Variants in DNAH12 observed in about 807,000 individuals in gnomAD.
DNAH12 encodes the protein dynein axonemal heavy chain 12, also known as axonemal beta dynein heavy chain 12.
In DNAH12, 285 loss-of-function variants were observed where a neutral mutation model predicts 371.5. The observed-to-expected ratio is 0.77, with a 90% confidence interval of 0.70 to 0.85. The LOEUF is 0.85. Ranked by LOEUF, DNAH12 falls within the 40% of genes least tolerant of loss-of-function variation. The probability of loss-of-function intolerance (pLI) is 0.00; values close to 1 mark genes in which losing one functional copy is unlikely to be tolerated. For synonymous variants in DNAH12, 1,200 were observed against 1,213.0 expected, an observed-to-expected ratio of 0.99 and a Z score of 0.22; for missense variants, 3,611 against 3,689.4, an observed-to-expected ratio of 0.98 and a Z score of 0.55.
chr3:57,420,537 C>G (rs887488071), intron 36 of DNAH12, among the ~76,000 whole-genome samples: 6 of 152,060 alleles, frequency 3.9e-5, no homozygotes, highest in Admixed American at 3.9e-4. Flanking sequence ...CAGCATTTCC[C>G]TACTGTCACT....
intron 19 of DNAH12, among the ~76,000 whole-genome samples, chr3:57,460,496 T>C (rs534084198): frequency 6.6e-6 from 1 of 152,350 alleles, no homozygotes; most frequent in South Asian, 2.1e-4. Context: ...GATTGTCTCA[T>C]ATCTTCGATT....
chr3:57,337,554 G>A (rs529778206), intron 60 of DNAH12, among the ~76,000 whole-genome samples: 13 of 152,168 alleles, frequency 8.5e-5, no homozygotes, highest in Admixed American at 3.9e-4. Context: ...AGCTACTTGG[G>A]AGGCTGAGGC....
At chr3:57,495,563 G>A (rs1357480322) in intron 11 of DNAH12, among the ~76,000 whole-genome samples, 2 of 135,470 alleles carry the variant, frequency 1.5e-5, no homozygotes, top group South Asian at 2.5e-4. Context: ...TAGCCTGGGC[G>A]ACAAGAGTGA....
intron 32 of DNAH12, 49 bp downstream of exon 32, chr3:57,433,318 A>C (rs2065011845): frequency 1.3e-6 from 2 of 1,518,686 alleles, no homozygotes; most frequent in African/African-American, 1.4e-5. Flanking sequence ...TGAACACATA[A>C]AATTGCTTAA....
At chr3:57,549,413 A>C in the DNAH12 span, among the ~76,000 whole-genome samples, 1 of 150,508 alleles carries the variant, frequency 6.6e-6, no homozygotes, top group Non-Finnish European at 1.5e-5. Context: ...GCTACTTGGG[A>C]GGCTGACGTG....
chr3:57,403,545 G>T lies in DNAH12; in HGVS notation c.6756-44C>A, dbSNP rs574173128. 2.7e-6 allele frequency: 4 copies of T among 1,483,522 alleles called. No homozygotes were observed. In the South Asian group the frequency reaches 5.3e-5, roughly 19 times the overall value. The allele number at this position is 1,483,522 out of a possible 1,614,324, so 91.9% of individuals were successfully genotyped here. ...TTTATTAATGCATTACAATATAAAT[G>T]TAAATGTATAGTTACATGTAACTAT... On this transcript the variant is annotated intron_variant, in intron 42 of 73. Coordinates refer to ENST00000495027, the MANE Select transcript of DNAH12 (RefSeq NM_001366028.2).
At chr3:57,487,310 A>AAG (rs2066954278) in intron 12 of DNAH12, among the ~76,000 whole-genome samples, 1 of 118,338 alleles carries the variant, frequency 8.5e-6, no homozygotes, top group African/African-American at 3.4e-5. Flanking sequence ...GAAGGAAGGG[A>AAG]GAGAGAGAGA....
In DNAH12 at chr3:57,421,716, G is replaced by C. The variant is rs2064587310; in HGVS notation, c.5374-10C>G. 6.4e-7 allele frequency: 1 copy of C among 1,551,352 alleles called. No homozygotes were observed. The highest frequency in any genetic ancestry group is 1.7e-4 in the Middle Eastern group (1 of 5,990). On this transcript the variant is annotated splice_polypyrimidine_tract_variant and intron_variant, in intron 35 of 73. Coordinates refer to ENST00000495027, the MANE Select transcript of DNAH12 (RefSeq NM_001366028.2). ...AGAATATAAAGCAAGCCTGTTGGTG[G>C]AGAAAAAATTTAACTTATAGCAATT...
intron 62 of DNAH12, among the ~76,000 whole-genome samples, chr3:57,328,251 A>G (rs2061998365): frequency 6.6e-6 from 1 of 151,862 alleles, no homozygotes; most frequent in South Asian, 2.1e-4. Context: ...TGGCAGAGAC[A>G]CAACCAAAAA....
intron 49 of DNAH12, 24 bp from the exon 50 acceptor site, chr3:57,382,417 A>G (rs2063411867): frequency 6.6e-6 from 1 of 152,222 alleles, no homozygotes; most frequent in African/African-American, 2.4e-5. Context: ...ACAAAAAACA[A>G]ACAGGACATA....
At chr3:57,310,567 T>C in intron 67 of DNAH12, 150 bp downstream of exon 67, 1 of 669,894 alleles carries the variant, frequency 1.5e-6, no homozygotes, top group Middle Eastern at 4.0e-4. Flanking sequence ...CAAACTTTTC[T>C]AATTTTCAGT....
intron 4 of DNAH12, among the ~76,000 whole-genome samples, chr3:57,514,366 C>A (rs2068107984): frequency 6.6e-6 from 1 of 150,828 alleles, no homozygotes; most frequent in Admixed American, 6.6e-5. Context: ...TGTACTCCAG[C>A]CTCGGTGACA....
intron 39 of DNAH12, among the ~76,000 whole-genome samples, chr3:57,410,233 T>C (rs907825265): frequency 1.3e-5 from 2 of 152,156 alleles, no homozygotes; most frequent in African/African-American, 2.4e-5. Context: ...ATAGGCACCA[T>C]TTTTCCAACA....
rs970351320 is a variant in DNAH12 at position 57,367,367 on chromosome 3, T to A, written c.8975-446A>T. On this transcript the variant is annotated intron_variant, in intron 56 of 73. Coordinates refer to ENST00000495027, the MANE Select transcript of DNAH12 (RefSeq NM_001366028.2). ...ATACAGAAAACAGGAGTGGCAAAAG[T>A]CACAGACACAGCAGCAAGTAAGCAA... Among the ~76,000 whole-genome samples the A allele has an allele frequency of 2.0e-4, 30 of 152,168 alleles. No homozygotes were observed. In the East Asian group the frequency reaches 5.6e-3, roughly 28 times the overall value.
chr3:57,363,381 T>A (rs1224374443), intron 58 of DNAH12, among the ~76,000 whole-genome samples: 1 of 152,198 alleles, frequency 6.6e-6, no homozygotes, highest in African/African-American at 2.4e-5. Flanking sequence ...TGTGTATAGA[T>A]ACCATATAGA....
chr3:57,294,176 C>CTTTTTTTTTTT (rs62779960), intron 73 of DNAH12, among the ~76,000 whole-genome samples: 2 of 129,104 alleles, frequency 1.5e-5, no homozygotes, highest in Non-Finnish European at 3.2e-5. Context: ...CTTTTCTTTT[C>CTTTTTTTTTTT]TTTTTTTTTT....
chr3:57,388,589 T>C (rs1218386904), intron 45 of DNAH12, among the ~76,000 whole-genome samples: 2 of 152,134 alleles, frequency 1.3e-5, no homozygotes, highest in African/African-American at 2.4e-5. Context: ...TAAAGAACTA[T>C]TAAGATTAGT....
At chr3:57,360,426 T>C (rs879103697) in intron 58 of DNAH12, among the ~76,000 whole-genome samples, 103,094 of 151,892 alleles carry the variant, frequency 0.68, 35,709 homozygotes, top group Non-Finnish European at 0.77. Flanking sequence ...CAGTGGCTCA[T>C]GCCTGTAATC....
intron 13 of DNAH12, among the ~76,000 whole-genome samples, chr3:57,481,421 G>T (rs1373051439): frequency 6.6e-6 from 1 of 151,982 alleles, no homozygotes; most frequent in East Asian, 1.9e-4. Flanking sequence ...AAATAAAAGA[G>T]GATACAAACA....
Sources: allele counts gnomAD v4.1 joint callset (sites outside exome capture counted in the v4.1 genomes callset), GRCh38; gene constraint gnomAD v4.1.1; transcripts MANE v1.5; gene names NCBI Gene and HGNC (gene_info 2026-07-23, HGNC 2026-07-21).